The following SEL1L3 variants were observed in gnomAD, a reference collection of about 807,000 sequenced individuals.
SEL1L3 encodes SEL1L family member 3.
In SEL1L3, 76 loss-of-function variants were observed where a neutral mutation model predicts 142.8. The ratio of observed to expected loss-of-function variants is 0.53; its 90% CI spans 0.44 to 0.64. SEL1L3 has a LOEUF of 0.64. Among genes scored for constraint, SEL1L3 ranks in the 30% least tolerant of loss-of-function variants. SEL1L3 has a pLI of 0.00. For missense variants in SEL1L3, 1,262 were observed against 1,381.7 expected (o/e 0.91, Z 1.37); for synonymous variants, 504 against 519.6 (o/e 0.97, Z 0.41).
chr4:25,841,574 A>G (rs1271113438), intron 2 of SEL1L3, among the ~76,000 whole-genome samples: 2 of 152,258 alleles, frequency 1.3e-5, no homozygotes, highest in Non-Finnish European at 2.9e-5. Flanking sequence ...CATCTTCATT[A>G]ATAGCTGTGC....
At chr4:25,739,703 CAAAAAAAAACAAAAAACA>C in the SEL1L3 span, among the ~76,000 whole-genome samples, 1 of 114,520 alleles carries the variant, frequency 8.7e-6, no homozygotes, top group African/African-American at 3.5e-5. Context: ...GAGACTCCGT[CAAAAAAAAACAAAAAACA>C]AAAAAAAAAC....
chr4:25,841,542 A>T (rs113652438), intron 2 of SEL1L3, among the ~76,000 whole-genome samples: 2 of 152,350 alleles, frequency 1.3e-5, no homozygotes, highest in African/African-American at 4.8e-5. Flanking sequence ...TGGGAACCAA[A>T]CTATCCAGGT....
intron 17 of SEL1L3, among the ~76,000 whole-genome samples, chr4:25,774,303 AC>A (rs1219640890): frequency 1.3e-5 from 2 of 152,180 alleles, no homozygotes; most frequent in African/African-American, 4.8e-5. Flanking sequence ...ATCTCTCGAA[AC>A]CTGTGGCCAG....
chr4:25,765,067 T>C (rs1329006872), intron 20 of SEL1L3, among the ~76,000 whole-genome samples: 1 of 152,170 alleles, frequency 6.6e-6, no homozygotes, highest in Admixed American at 6.5e-5. Flanking sequence ...TGATCACGGC[T>C]TGCTGCAGCC....
rs886920379 is a variant in SEL1L3 at position 25,776,441 on chromosome 4, T to A, written c.2586-81A>T. 3 of 946,904 alleles carry A rather than the reference T, an allele frequency of 3.2e-6. No homozygotes were observed. In the African/African-American group the frequency reaches 4.9e-5, roughly 15 times the overall value. 58.7% of individuals were successfully genotyped at this position (946,904 alleles called of 1,614,324 possible). ...TTTTTCTTCATATGCTCTCAATAAA[T>A]CCCACTTGGGGAATATTTTGCTAGT... On this transcript the variant is annotated intron_variant, in intron 16 of 23. Transcript: ENST00000399878.
chr4:25,737,241 G>C, the SEL1L3 span, among the ~76,000 whole-genome samples: 71,249 of 151,974 alleles, frequency 0.47, 17,172 homozygotes, highest in East Asian at 0.67. Context: ...CCTTGGCCTC[G>C]TAAAGTGCTG....
intron 19 of SEL1L3, 82 bp from the exon 20 acceptor site, chr4:25,765,517 A>G (rs1718660033): frequency 1.2e-6 from 1 of 861,064 alleles, no homozygotes; most frequent in African/African-American, 1.7e-5. Context: ...ATTCACATGA[A>G]TGCAAGTTTT....
At chr4:25,794,477 G>A (rs1387519365) in intron 11 of SEL1L3, among the ~76,000 whole-genome samples, 1 of 152,182 alleles carries the variant, frequency 6.6e-6, no homozygotes, top group Non-Finnish European at 1.5e-5. Flanking sequence ...ACCACAATGA[G>A]ATACCATCTC....
intron 1 of SEL1L3, among the ~76,000 whole-genome samples, chr4:25,861,354 TG>T (rs1717694056): frequency 6.6e-6 from 1 of 152,226 alleles, no homozygotes; most frequent in Admixed American, 6.5e-5. Flanking sequence ...AATTTGATAT[TG>T]GCTAATTCTG....
Position 25,784,303 on chromosome 4 carries a change from A to G in SEL1L3, c.2218-13T>C, listed in dbSNP as rs778874642. ...TTACTCCTTGACCCTAAACATTGAT[A>G]AACAGCGATGATTACAAAGAAAATA... On this transcript the variant is annotated splice_polypyrimidine_tract_variant and intron_variant, in intron 13 of 23. Coordinates refer to ENST00000399878, the MANE Select transcript of SEL1L3 (RefSeq NM_015187.5). 5 of 1,609,582 alleles carry G rather than the reference A, an allele frequency of 3.1e-6. No homozygotes were observed. The East Asian group carries it at 8.9e-5, about 29-fold the overall frequency.
At chr4:25,800,500 G>A (rs1302441980) in intron 11 of SEL1L3, among the ~76,000 whole-genome samples, 2 of 152,110 alleles carry the variant, frequency 1.3e-5, no homozygotes, top group African/African-American at 4.8e-5. Context: ...AAAAGAAAAG[G>A]AGCTTGTTAG....
At chr4:25,782,811 T>G (rs1427690411) in intron 14 of SEL1L3, among the ~76,000 whole-genome samples, 1 of 152,158 alleles carries the variant, frequency 6.6e-6, no homozygotes, top group Admixed American at 6.5e-5. Flanking sequence ...GGATGGTTTC[T>G]AGGTGATCCG....
At chr4:25,725,259 A>G in the SEL1L3 span, among the ~76,000 whole-genome samples, 176 of 152,240 alleles carry the variant, frequency 1.2e-3, no homozygotes, top group African/African-American at 4.1e-3. Flanking sequence ...AAGTAAAGAA[A>G]TAAAAGAATG....
intron 19 of SEL1L3, among the ~76,000 whole-genome samples, chr4:25,766,391 GA>G (rs1054811742): frequency 4.9e-5 from 7 of 143,132 alleles, no homozygotes; most frequent in Non-Finnish European, 9.0e-5. Flanking sequence ...AGTGAGCCGA[GA>G]TAGCACCATT....
At chr4:25,730,692 C>G in the SEL1L3 span, among the ~76,000 whole-genome samples, 1 of 152,102 alleles carries the variant, frequency 6.6e-6, no homozygotes, top group Non-Finnish European at 1.5e-5. Context: ...CACCCATTTC[C>G]TCTCTCTCAC....
At chr4:25,808,906 TA>T in intron 9 of SEL1L3, among the ~76,000 whole-genome samples, 1 of 142,590 alleles carries the variant, frequency 7.0e-6, no homozygotes. Flanking sequence ...CTATCTCTAC[TA>T]AAAATACAAA....
chr4:25,740,090 A>C, the SEL1L3 span, among the ~76,000 whole-genome samples: 30 of 151,582 alleles, frequency 2.0e-4, no homozygotes, highest in African/African-American at 7.0e-4. Flanking sequence ...GTGAGCCACC[A>C]AGTCTGGCTA....
intron 9 of SEL1L3, among the ~76,000 whole-genome samples, chr4:25,811,764 T>G (rs7668934): frequency 0.075 from 11,050 of 147,850 alleles, 535 homozygotes; most frequent in African/African-American, 0.13. Context: ...TTTTTTTTTT[T>G]TTGTTGTTGT....
chr4:25,782,187 T>C lies in SEL1L3; in HGVS notation c.2457+55A>G, dbSNP rs182027848. The C allele has an allele frequency of 8.6e-6, 13 of 1,518,694 alleles. No homozygotes were observed. The East Asian group carries it at 2.7e-4, about 32-fold the overall frequency. 94.1% of individuals were successfully genotyped at this position (1,518,694 alleles called of 1,614,324 possible). ...GTGCACACAGTGTACCTTCAACAAA[T>C]GCTTCATGATCAAGTGACTGACTAG... On this transcript the variant is annotated intron_variant, in intron 15 of 23. Transcript: ENST00000399878.
Sources: gnomAD v4.1 joint callset for allele counts (sites outside exome capture counted in the v4.1 genomes callset) on GRCh38, gnomAD v4.1.1 for gene constraint, MANE v1.5 for transcripts, NCBI Gene and HGNC (gene_info 2026-07-23, HGNC 2026-07-21) for gene names.